The following OTOGL variants were observed in gnomAD, a reference collection of about 807,000 sequenced individuals.
OTOGL encodes otogelin-like protein.
Under a neutral mutation model 318.5 loss-of-function variants are expected in OTOGL, and 285 were observed. The observed-to-expected ratio is 0.89, with a 90% CI of 0.81 to 0.99. The LOEUF is 0.99. Among genes scored for constraint, OTOGL ranks in the 50% least tolerant of loss-of-function variants. The pLI is 0.00. For missense variants in OTOGL, 2,899 were observed against 2,845.6 expected (o/e 1.02, Z -0.43); for synonymous variants, 987 against 936.5 (o/e 1.05, Z -0.99).
At chr12:80,225,106 G>C (rs1261309235) in intron 7 of OTOGL, among the ~76,000 whole-genome samples, 1 of 151,834 alleles carries the variant, frequency 6.6e-6, no homozygotes, top group Non-Finnish European at 1.5e-5. Context: ...AAAAAGAAAT[G>C]AGATATATTG....
chr12:80,108,947 T>C (rs1869664036), intron 1 of OTOGL, among the ~76,000 whole-genome samples: 1 of 144,778 alleles, frequency 6.9e-6, no homozygotes, highest in Non-Finnish European at 1.5e-5. Flanking sequence ...TATATATATA[T>C]ATATATACAC....
At chr12:80,303,628 G>A (rs921762081) in intron 28 of OTOGL, among the ~76,000 whole-genome samples, 3 of 152,200 alleles carry the variant, frequency 2.0e-5, no homozygotes, top group Non-Finnish European at 1.5e-5. Flanking sequence ...GCCTGGGAAG[G>A]CCTCAGGGAA....
Position 80,336,479 on chromosome 12 carries a change from G to T in OTOGL, c.4667G>T (p.Ser1556Ile). 2 of 1,608,708 alleles carry T rather than the reference G, an allele frequency of 1.2e-6. No individual in the cohort carries two copies. The highest frequency in any genetic ancestry group is 4.5e-5 in the East Asian group (2 of 44,798). Residue 1556 changes from serine (S) to isoleucine (I), a missense_variant, in exon 40 of 59, where the codon AGC (serine) becomes ATC (isoleucine). Physicochemically the swap from Ser to Ile is moderately radical, Grantham distance 142. Around this residue, in one of 3 missense-constraint regions of OTOGL, gnomAD observed 2,607 missense variants for 2,524.9 expected, o/e 1.03. Coordinates refer to ENST00000547103, the MANE Select transcript of OTOGL (RefSeq NM_001378609.3). Reference sequence around the variant, plus strand: ...GATGGAAACAACGCAGCATTATATAGCATGGCTTCTTATATCTTAGTAAGA... The same window carrying T: ...GATGGAAACAACGCAGCATTATATATCATGGCTTCTTATATCTTAGTAAGA... ...TFDGNNAALY[S>I]MASYILVRIP...
chr12:80,371,078 T>C (rs145678825), intron 56 of OTOGL, among the ~76,000 whole-genome samples: 1 of 152,230 alleles, frequency 6.6e-6, no homozygotes, highest in Admixed American at 6.6e-5. Flanking sequence ...CATGCTGGCC[T>C]GTATGATGTT....
intron 27 of OTOGL, among the ~76,000 whole-genome samples, chr12:80,297,443 T>G (rs1290229831): frequency 6.6e-6 from 1 of 151,946 alleles, no homozygotes; most frequent in Non-Finnish European, 1.5e-5. Flanking sequence ...GCGATTCTCT[T>G]GCCTCAGCCT....
At chr12:80,356,353 T>C (rs1013077854) in intron 47 of OTOGL, 63 bp from the exon 48 acceptor site, 7 of 1,282,458 alleles carry the variant, frequency 5.5e-6, no homozygotes, top group Non-Finnish European at 7.7e-6. Flanking sequence ...GTCATTTCCC[T>C]GCTTTGAGTT....
chr12:80,126,822 G>T (rs868383329), intron 1 of OTOGL, among the ~76,000 whole-genome samples: 9 of 152,052 alleles, frequency 5.9e-5, no homozygotes, highest in Non-Finnish European at 1.2e-4. Flanking sequence ...TTTGATCTTT[G>T]TTGGTTTAAA....
At position 80,240,912 on chromosome 12, in the gene OTOGL, A is replaced by G. The variant is rs189597390; in HGVS notation, c.1052+1473A>G. On this transcript the variant is annotated intron_variant, in intron 11 of 58. Transcript: ENST00000547103. Reference sequence around the variant, plus strand: ...AGTTTTTTAAAATTATTTTTCTTTCAAAACATCACCAAGTATATGTGATTA... The same window carrying G: ...AGTTTTTTAAAATTATTTTTCTTTCGAAACATCACCAAGTATATGTGATTA... Among the ~76,000 whole-genome samples, 3 of 152,230 alleles carry G rather than the reference A, an allele frequency of 2.0e-5. No homozygotes were observed. The East Asian group carries it at 5.8e-4, about 29-fold the overall frequency.
intron 34 of OTOGL, 120 bp downstream of exon 34, chr12:80,320,820 T>C: frequency 9.4e-7 from 1 of 1,060,620 alleles, no homozygotes; most frequent in Non-Finnish European, 1.3e-6. Flanking sequence ...TTTTATGACC[T>C]TAAGTAAGTG....
chr12:80,108,953 T>TACAC (rs1290126061), intron 1 of OTOGL, among the ~76,000 whole-genome samples: 31 of 142,752 alleles, frequency 2.2e-4, no homozygotes, highest in African/African-American at 7.9e-4. Context: ...TATATATATA[T>TACAC]ACACACACAC....
Position 80,150,018 on chromosome 12 carries a change from G to A in OTOGL, c.-20+50413G>A, listed in dbSNP as rs566891956. On this transcript the variant is annotated intron_variant, in intron 1 of 58. Transcript: ENST00000547103. Reference sequence around the variant, plus strand: ...AATGCAGAAATCACCCATCTTCTGCGTCGCTCACGCTGGGAGCTGTAGACC... The same window carrying A: ...AATGCAGAAATCACCCATCTTCTGCATCGCTCACGCTGGGAGCTGTAGACC... Among the ~76,000 whole-genome samples, 13 of 152,048 alleles carry A rather than the reference G, an allele frequency of 8.5e-5. No individual in the cohort carries two copies. The South Asian group carries it at 1.3e-3, about 15-fold the overall frequency.
chr12:80,227,227 G>T (rs1332724397), intron 7 of OTOGL, among the ~76,000 whole-genome samples: 1 of 151,940 alleles, frequency 6.6e-6, no homozygotes, highest in Non-Finnish European at 1.5e-5. Context: ...TTCTACTTCA[G>T]TTATACATTT....
chr12:80,160,347 A>G (rs1246584422), intron 1 of OTOGL, among the ~76,000 whole-genome samples: 2 of 152,190 alleles, frequency 1.3e-5, no homozygotes, highest in African/African-American at 2.4e-5. Context: ...TACATCCAAC[A>G]AAGGACTAAT....
At chr12:80,215,149 G>A (rs1185136168) in intron 4 of OTOGL, among the ~76,000 whole-genome samples, 1 of 150,942 alleles carries the variant, frequency 6.6e-6, no homozygotes, top group East Asian at 1.9e-4. Flanking sequence ...ATAAAAACAG[G>A]TAGCATGTTT....
intron 26 of OTOGL, among the ~76,000 whole-genome samples, chr12:80,280,855 C>T (rs368675293): frequency 6.6e-5 from 10 of 151,876 alleles, no homozygotes; most frequent in Middle Eastern, 3.4e-3. Flanking sequence ...TTGTTTGTGT[C>T]GTCTTGATTT....
intron 29 of OTOGL, among the ~76,000 whole-genome samples, chr12:80,307,054 C>G (rs1886172632): frequency 6.7e-6 from 1 of 149,648 alleles, no homozygotes; most frequent in Admixed American, 6.6e-5. Flanking sequence ...CAAAGCACAT[C>G]TTGCACCGCC....
intron 1 of OTOGL, among the ~76,000 whole-genome samples, chr12:80,146,541 A>C (rs914167420): frequency 7.1e-4 from 107 of 150,670 alleles, no homozygotes; most frequent in Non-Finnish European, 1.0e-3. Flanking sequence ...TGTCTCTGCC[A>C]GGCTTTGGTA....
intron 1 of OTOGL, among the ~76,000 whole-genome samples, chr12:80,123,320 G>T (rs1870602051): frequency 6.6e-6 from 1 of 152,118 alleles, no homozygotes; most frequent in African/African-American, 2.4e-5. Flanking sequence ...TGCTGAGAAT[G>T]ATGGTTTCCA....
chr12:80,364,223 G>A (rs896426149), intron 52 of OTOGL, among the ~76,000 whole-genome samples: 8 of 151,986 alleles, frequency 5.3e-5, no homozygotes, highest in Admixed American at 1.3e-4. Flanking sequence ...TTTAACATTC[G>A]TGGCTTTACA....
Sources: gnomAD v4.1 joint callset for allele counts (sites outside exome capture counted in the v4.1 genomes callset) on GRCh38, gnomAD v4.1.1 for gene constraint, gnomAD v4.1.1 regional missense constraint, MANE v1.5 for transcripts, NCBI Gene and HGNC (gene_info 2026-07-23, HGNC 2026-07-21) for gene names.